DLG1: variants seen among roughly 807,000 people sequenced by gnomAD.
DLG1 encodes disks large homolog 1.
A neutral mutation model predicts 123.4 loss-of-function variants in DLG1; 42 were observed. The observed-to-expected ratio is 0.34, with a 90% CI of 0.27 to 0.44. The LOEUF is 0.44. DLG1 is among the 20% of genes least tolerant of loss of function. The pLI, the probability that DLG1 is intolerant of heterozygous loss-of-function variation, is 1.00. For missense variants in DLG1, 942 were observed against 1,082.6 expected (o/e 0.87, Z 1.82); for synonymous variants, 317 against 356.2 (o/e 0.89, Z 1.24).
chr3:197,215,741 G>A (rs1473176588), intron 4 of DLG1, among the ~76,000 whole-genome samples: 3 of 152,056 alleles, frequency 2.0e-5, no homozygotes, highest in East Asian at 3.8e-4. Flanking sequence ...ACAATTTATT[G>A]TTCAGGAATT....
At chr3:197,137,354 A>G (rs1422664947) in intron 9 of DLG1, among the ~76,000 whole-genome samples, 1 of 152,222 alleles carries the variant, frequency 6.6e-6, no homozygotes, top group Non-Finnish European at 1.5e-5. Context: ...TACATATTAT[A>G]AACACTTCTT....
At chr3:197,297,560 G>A in intron 1 of DLG1, 1 of 1,064,390 alleles carries the variant, frequency 9.4e-7, no homozygotes, top group Non-Finnish European at 1.1e-6. Flanking sequence ...CTGGGTACGG[G>A]CGGGTGAAGC....
intron 17 of DLG1, among the ~76,000 whole-genome samples, chr3:197,076,894 CAT>C (rs1747667945): frequency 6.6e-6 from 1 of 152,078 alleles, no homozygotes; most frequent in Admixed American, 6.5e-5. Context: ...TTTCAGACAG[CAT>C]AGTTCATTTA....
intron 1 of DLG1, chr3:197,297,915 C>A: frequency 1.0e-6 from 1 of 984,492 alleles, no homozygotes; most frequent in Non-Finnish European, 1.2e-6. Flanking sequence ...GCCCGCGGAG[C>A]CGAGCGGAGG....
At chr3:197,050,090 G>A (rs962404734) in intron 24 of DLG1, among the ~76,000 whole-genome samples, 1 of 151,482 alleles carries the variant, frequency 6.6e-6, no homozygotes, top group East Asian at 1.9e-4. Context: ...AAAACAGGCC[G>A]GGCACGGTGG....
chr3:197,292,401 T>C (rs1227549991), intron 3 of DLG1, among the ~76,000 whole-genome samples: 2 of 152,142 alleles, frequency 1.3e-5, no homozygotes, highest in Admixed American at 6.5e-5. Flanking sequence ...TCTAACATGA[T>C]CAAATTCACT....
chr3:197,100,703 G>A (rs138429039), intron 14 of DLG1, among the ~76,000 whole-genome samples: 1 of 152,034 alleles, frequency 6.6e-6, no homozygotes, highest in Non-Finnish European at 1.5e-5. Flanking sequence ...GAACCCCAGA[G>A]TTGCCACAAA....
intron 18 of DLG1, chr3:197,070,765 T>A (rs1468187301): frequency 6.6e-6 from 1 of 150,942 alleles, no homozygotes; most frequent in Non-Finnish European, 1.5e-5. Context: ...TAGAGACTGG[T>A]TTCACCATGT....
At chr3:197,100,461 A>C (rs1380305606) in intron 14 of DLG1, among the ~76,000 whole-genome samples, 1 of 152,212 alleles carries the variant, frequency 6.6e-6, no homozygotes, top group Non-Finnish European at 1.5e-5. Context: ...AGACCTAACC[A>C]ATGGGAAAGA....
intron 11 of DLG1, among the ~76,000 whole-genome samples, chr3:197,125,522 T>C (rs926321452): frequency 5.3e-5 from 8 of 152,080 alleles, no homozygotes; most frequent in African/African-American, 1.7e-4. Flanking sequence ...AAAATAATAA[T>C]GTCAAATGAC....
At chr3:197,229,317 A>G (rs1273834289) in intron 4 of DLG1, among the ~76,000 whole-genome samples, 1 of 151,970 alleles carries the variant, frequency 6.6e-6, no homozygotes, top group African/African-American at 2.4e-5. Context: ...ACACAGCAAG[A>G]GTCCATCTCT....
chr3:197,120,237 C>T (rs537970289), intron 11 of DLG1, among the ~76,000 whole-genome samples: 51 of 139,676 alleles, frequency 3.7e-4, no homozygotes, highest in African/African-American at 1.3e-3. Flanking sequence ...CTCCAGCCTA[C>T]GTAGGTGACA....
intron 5 of DLG1, among the ~76,000 whole-genome samples, chr3:197,185,201 G>A (rs1039248879): frequency 1.3e-5 from 2 of 152,162 alleles, no homozygotes; most frequent in Non-Finnish European, 2.9e-5. Flanking sequence ...CTCAGCCATG[G>A]ATATTTTTTC....
intron 5 of DLG1, among the ~76,000 whole-genome samples, chr3:197,164,744 AAAAAAAAAAAAG>A (rs1800494127): frequency 1.1e-5 from 1 of 89,050 alleles, no homozygotes; most frequent in Admixed American, 1.4e-4. Flanking sequence ...TCTACTAAAA[AAAAAAAAAAAAG>A]AAAAAAAATA....
At chr3:197,284,657 T>G (rs565802507) in intron 3 of DLG1, among the ~76,000 whole-genome samples, 1 of 152,230 alleles carries the variant, frequency 6.6e-6, no homozygotes, top group East Asian at 1.9e-4. Flanking sequence ...TTTACTACCC[T>G]GCGAAAAATT....
intron 5 of DLG1, among the ~76,000 whole-genome samples, chr3:197,167,508 G>A (rs915670107): frequency 1.3e-5 from 2 of 152,170 alleles, no homozygotes; most frequent in African/African-American, 4.8e-5. Flanking sequence ...AAAATGTAAT[G>A]AGAGTACAAT....
intron 4 of DLG1, among the ~76,000 whole-genome samples, chr3:197,211,359 A>G (rs957735114): frequency 6.8e-6 from 1 of 146,576 alleles, no homozygotes; most frequent in Non-Finnish European, 1.5e-5. Flanking sequence ...CTTCAGGCCC[A>G]TATCTTGATG....
intron 11 of DLG1, among the ~76,000 whole-genome samples, chr3:197,128,917 T>C (rs968222991): frequency 1.3e-5 from 2 of 152,184 alleles, no homozygotes; most frequent in East Asian, 1.9e-4. Context: ...TCAACAGATA[T>C]GCTGTCATTC....
At chr3:197,225,620 A>C (rs1305597077) in intron 4 of DLG1, among the ~76,000 whole-genome samples, 1 of 152,228 alleles carries the variant, frequency 6.6e-6, no homozygotes, top group African/African-American at 2.4e-5. Context: ...GTCAATAATT[A>C]ATCCTCATTA....
Sources: allele counts gnomAD v4.1 joint callset (sites outside exome capture counted in the v4.1 genomes callset), GRCh38; gene constraint gnomAD v4.1.1; transcripts MANE v1.5; gene names NCBI Gene and HGNC (gene_info 2026-07-23, HGNC 2026-07-21).